The following RBFOX1 variants were observed in gnomAD, a reference collection of about 807,000 sequenced individuals.
The protein encoded by RBFOX1 is RNA binding protein fox-1 homolog 1.
A neutral mutation model predicts 57.7 loss-of-function variants in RBFOX1; 8 were observed. The observed-to-expected ratio is 0.14, with a 90% CI of 0.08 to 0.25. The LOEUF is 0.25. Ranked by LOEUF, RBFOX1 falls within the 10% of genes least tolerant of loss-of-function variation. The pLI is 1.00. For missense variants in RBFOX1, 611 were observed against 548.5 expected (o/e 1.11, Z -1.14); for synonymous variants, 326 against 222.4 (o/e 1.47, Z -4.15).
At chr16:5,951,962 A>T (rs1208801095) in intron 4 of RBFOX1, among the ~76,000 whole-genome samples, 2 of 151,572 alleles carry the variant, frequency 1.3e-5, no homozygotes, top group Non-Finnish European at 2.9e-5. Context: ...TGGTTATCAG[A>T]GGTGGAGATT....
intron 4 of RBFOX1, among the ~76,000 whole-genome samples, chr16:7,125,695 T>G (rs1473876986): frequency 1.4e-5 from 2 of 145,328 alleles, no homozygotes; most frequent in Non-Finnish European, 3.0e-5. Flanking sequence ...AATTTAACAC[T>G]TTTTTTTTTT....
intron 4 of RBFOX1, among the ~76,000 whole-genome samples, chr16:7,160,363 C>G (rs1480535181): frequency 2.6e-5 from 4 of 152,100 alleles, no homozygotes; most frequent in African/African-American, 9.7e-5. Context: ...AACGAATAAA[C>G]CAGACTTTGT....
At chr16:7,224,114 T>C (rs942978796) in intron 4 of RBFOX1, among the ~76,000 whole-genome samples, 2 of 140,986 alleles carry the variant, frequency 1.4e-5, no homozygotes, top group African/African-American at 2.7e-5. Flanking sequence ...TCTATCCTGA[T>C]TCTTCCTTTT....
chr16:6,003,946 C>G (rs1427439353), intron 4 of RBFOX1, among the ~76,000 whole-genome samples: 3 of 152,086 alleles, frequency 2.0e-5, no homozygotes, highest in Non-Finnish European at 4.4e-5. Flanking sequence ...CTTTGAAATG[C>G]TAATTTTAGA....
chr16:6,621,293 G>A (rs11860068), intron 2 of RBFOX1, among the ~76,000 whole-genome samples: 2 of 151,830 alleles, frequency 1.3e-5, no homozygotes, highest in African/African-American at 4.8e-5. Context: ...AACCCCGTCT[G>A]TACTAAAAAT....
At chr16:7,162,954 A>G (rs7196045) in intron 4 of RBFOX1, among the ~76,000 whole-genome samples, 71 of 151,966 alleles carry the variant, frequency 4.7e-4, no homozygotes, top group African/African-American at 1.6e-3. Context: ...CACCTGACCT[A>G]ATGACCTTGG....
At chr16:7,706,172 A>G (rs1306204057) in intron 14 of RBFOX1, among the ~76,000 whole-genome samples, 1 of 152,192 alleles carries the variant, frequency 6.6e-6, no homozygotes, top group African/African-American at 2.4e-5. Context: ...TTGTAGTGTC[A>G]CACAAGGGCG....
intron 4 of RBFOX1, among the ~76,000 whole-genome samples, chr16:7,133,638 G>A (rs558837791): frequency 1.5e-4 from 23 of 152,254 alleles, no homozygotes; most frequent in Non-Finnish European, 1.8e-4. Flanking sequence ...AAGTAACCTT[G>A]TAGAGCTTTT....
intron 3 of RBFOX1, among the ~76,000 whole-genome samples, chr16:5,624,002 G>A (rs955141324): frequency 6.6e-6 from 1 of 152,206 alleles, no homozygotes; most frequent in Non-Finnish European, 1.5e-5. Flanking sequence ...GGCTTTTGCA[G>A]ACTATTTGAT....
intron 2 of RBFOX1, among the ~76,000 whole-genome samples, chr16:6,351,352 GTA>G (rs1261402122): frequency 7.6e-4 from 70 of 92,448 alleles, no homozygotes; most frequent in East Asian, 4.8e-3. Context: ...GTGTGTGTGT[GTA>G]TATATATATA....
intron 1 of RBFOX1, among the ~76,000 whole-genome samples, chr16:6,297,364 T>C (rs111903251): frequency 8.7e-4 from 132 of 152,050 alleles, no homozygotes; most frequent in African/African-American, 3.0e-3. Flanking sequence ...CTCTGACACA[T>C]GGATCACAAT....
chr16:6,962,019 C>T (rs2083126983), intron 3 of RBFOX1, among the ~76,000 whole-genome samples: 1 of 152,124 alleles, frequency 6.6e-6, no homozygotes, highest in Admixed American at 6.5e-5. Flanking sequence ...CCTCATTTTA[C>T]CCAGCCCCTA....
chr16:6,724,106 T>C (rs1234820319), intron 3 of RBFOX1, among the ~76,000 whole-genome samples: 1 of 152,122 alleles, frequency 6.6e-6, no homozygotes, highest in Non-Finnish European at 1.5e-5. Context: ...GAGGCCATGG[T>C]GGCAGGGACT....
intron 1 of RBFOX1, among the ~76,000 whole-genome samples, chr16:5,296,730 G>T (rs1007906897): frequency 1.9e-4 from 29 of 150,852 alleles, no homozygotes; most frequent in Non-Finnish European, 3.8e-4. Flanking sequence ...CCAGGCTGGA[G>T]TGCAGTGGCG....
At chr16:7,347,039 G>T (rs965671655) in intron 4 of RBFOX1, among the ~76,000 whole-genome samples, 5 of 152,228 alleles carry the variant, frequency 3.3e-5, no homozygotes, top group African/African-American at 4.8e-5. Context: ...AGGTAAGACA[G>T]GCCTAGTGAT....
At chr16:5,313,323 G>A (rs1458579654) in intron 1 of RBFOX1, among the ~76,000 whole-genome samples, 2 of 152,142 alleles carry the variant, frequency 1.3e-5, no homozygotes, top group African/African-American at 4.8e-5. Flanking sequence ...CAGGTGACAA[G>A]ACAGCTCTAG....
intron 4 of RBFOX1, among the ~76,000 whole-genome samples, chr16:7,128,980 C>A (rs1010365373): frequency 6.6e-6 from 1 of 151,828 alleles, no homozygotes; most frequent in African/African-American, 2.4e-5. Context: ...GACACCACGC[C>A]CAGTTAATTT....
intron 3 of RBFOX1, among the ~76,000 whole-genome samples, chr16:6,843,751 G>C (rs761392922): frequency 7.9e-5 from 12 of 152,160 alleles, no homozygotes; most frequent in Non-Finnish European, 1.5e-4. Context: ...TATAAATTAA[G>C]TTAGTAGATT....
intron 4 of RBFOX1, among the ~76,000 whole-genome samples, chr16:7,077,292 C>A (rs73538789): frequency 0.028 from 4,321 of 152,246 alleles, 195 homozygotes; most frequent in African/African-American, 0.097. Context: ...CAAAGTACAT[C>A]GGTGATGTCC....
Sources: gnomAD v4.1 joint callset for allele counts (sites outside exome capture counted in the v4.1 genomes callset) on GRCh38, gnomAD v4.1.1 for gene constraint, MANE v1.5 for transcripts, NCBI Gene and HGNC (gene_info 2026-07-23, HGNC 2026-07-21) for gene names.